The following PAQR5 variants were observed in gnomAD, a reference collection of about 807,000 sequenced individuals.
PAQR5 encodes progestin and adipoQ receptor family member 5, also known as membrane progestin receptor gamma.
PAQR5 carries 20 observed loss-of-function variants against 34.5 expected under a neutral mutation model. The ratio of observed to expected loss-of-function variants is 0.58; its 90% CI spans 0.41 to 0.84. PAQR5 has a LOEUF of 0.84. PAQR5 is among the 40% of genes least tolerant of loss of function. The probability of loss-of-function intolerance (pLI) is 0.00; values close to 1 mark genes in which losing one functional copy is unlikely to be tolerated. For synonymous variants in PAQR5, 131 were observed against 155.6 expected (o/e 0.84, Z 1.18); for missense variants, 378 against 412.7 (o/e 0.92, Z 0.73).
intron 8 of PAQR5, 45 bp downstream of exon 8, chr15:69,400,160 C>G (rs1310381545): frequency 6.4e-7 from 1 of 1,572,726 alleles, no homozygotes; most frequent in Non-Finnish European, 8.7e-7. Flanking sequence ...GCCCTCCTGA[C>G]TGGGGAGGGT....
intron 3 of PAQR5, among the ~76,000 whole-genome samples, chr15:69,362,939 A>G (rs2055279462): frequency 2.0e-5 from 3 of 151,848 alleles, no homozygotes; most frequent in Admixed American, 6.6e-5. Context: ...TGCAACCTTC[A>G]CTTGTCTTGA....
rs140161049 is a variant in PAQR5, at chr15:69,403,727, C to G, written c.898C>G (p.Leu300Val). ...TTTCTCTCAGATAGCTGGAGCCATA[C>G]TTCTGTGCATCATCTTCAGCCTCAG... ...FSFSQIAGAI[L>V]LCIIFSLSNI... The change falls in exon 9 of 9, where the codon CTT becomes GTT. Residue 300 changes from leucine (L) to valine (V), a missense_variant. Physicochemically the swap from Leu to Val is conservative, Grantham distance 32 (BLOSUM62 1). Transcript: ENST00000395407. 3.9e-5 allele frequency: 63 copies of G among 1,614,190 alleles called. 1 individual carries two copies. In the African/African-American group the frequency reaches 6.0e-4, roughly 15 times the overall value.
intron 3 of PAQR5, among the ~76,000 whole-genome samples, chr15:69,365,000 T>C (rs1321537376): frequency 6.6e-6 from 1 of 151,936 alleles, no homozygotes. Context: ...CCTCCCAAAG[T>C]GCTGGGATTA....
At chr15:69,341,724 C>G (rs925206203) in intron 2 of PAQR5, among the ~76,000 whole-genome samples, 1 of 151,986 alleles carries the variant, frequency 6.6e-6, no homozygotes, top group Non-Finnish European at 1.5e-5. Context: ...GTGGGTGGAT[C>G]ACTTGAGCTC....
intron 4 of PAQR5, among the ~76,000 whole-genome samples, chr15:69,382,448 C>A: frequency 6.6e-6 from 1 of 151,784 alleles, no homozygotes; most frequent in East Asian, 1.9e-4. Flanking sequence ...AGATCGAGAC[C>A]ATCCTGGCCA....
intron 1 of PAQR5, among the ~76,000 whole-genome samples, chr15:69,309,499 C>T (rs960079902): frequency 1.3e-5 from 2 of 152,080 alleles, no homozygotes; most frequent in African/African-American, 2.4e-5. Flanking sequence ...TGTCAGTAGA[C>T]GTGAGGAGAG....
At position 69,344,673 on chromosome 15, in the gene PAQR5, A is replaced by T. The variant is rs569063596; in HGVS notation, c.-116+7172A>T. Among the ~76,000 whole-genome samples the T allele has an allele frequency of 1.2e-4, 18 of 152,374 alleles. 1 individual carries two copies. In the South Asian group the frequency reaches 3.5e-3, roughly 30 times the overall value. On this transcript the variant is annotated intron_variant, in intron 2 of 8. Transcript: ENST00000395407. ...AATTAGCATTAAATGCAGCTTTAAA[A>T]AGTATAGATTTCAAACAACTTTGTT...
At chr15:69,394,121 T>G (rs901229831) in intron 6 of PAQR5, among the ~76,000 whole-genome samples, 2 of 150,622 alleles carry the variant, frequency 1.3e-5, no homozygotes, top group African/African-American at 2.4e-5. Flanking sequence ...TGTTTTTTGT[T>G]TTTTTTTTTT....
At chr15:69,390,710 CTAATGGTGACTGGGTG>C (rs1446146090) in intron 6 of PAQR5, among the ~76,000 whole-genome samples, 3 of 152,110 alleles carry the variant, frequency 2.0e-5, no homozygotes, top group Non-Finnish European at 4.4e-5. Flanking sequence ...TGTGTGGTCA[CTAATGGTGACTGGGTG>C]TGTCTGCCTC....
chr15:69,327,108 C>A (rs2054271782), intron 1 of PAQR5, among the ~76,000 whole-genome samples: 1 of 151,984 alleles, frequency 6.6e-6, no homozygotes, highest in African/African-American at 2.4e-5. Flanking sequence ...CCTCAGCCTC[C>A]CTAGTAGCTG....
At chr15:69,322,732 A>G (rs1214433038) in intron 1 of PAQR5, among the ~76,000 whole-genome samples, 3,084 of 26,404 alleles carry the variant, frequency 0.12, 696 homozygotes, top group South Asian at 0.19. Context: ...GAAGAAGAAG[A>G]AGAAGAAGAA....
chr15:69,399,101 A>G (rs2056541914), intron 7 of PAQR5, among the ~76,000 whole-genome samples: 1 of 152,178 alleles, frequency 6.6e-6, no homozygotes, highest in Non-Finnish European at 1.5e-5. Context: ...CAAAAACTAT[A>G]CTTAGCTCTG....
intron 1 of PAQR5, among the ~76,000 whole-genome samples, chr15:69,309,604 C>T (rs1324717182): frequency 6.6e-6 from 1 of 152,166 alleles, no homozygotes. Flanking sequence ...CCTCCCTCCT[C>T]AGAGGCAATG....
intron 6 of PAQR5, among the ~76,000 whole-genome samples, chr15:69,394,692 G>C (rs984827646): frequency 4.6e-5 from 7 of 152,186 alleles, no homozygotes; most frequent in African/African-American, 7.2e-5. Context: ...TCTGGTGCGG[G>C]ACTGCCCTAA....
chr15:69,312,980 A>G (rs999086858), intron 1 of PAQR5, among the ~76,000 whole-genome samples: 2 of 152,062 alleles, frequency 1.3e-5, no homozygotes, highest in Non-Finnish European at 2.9e-5. Flanking sequence ...CTACCTTGGG[A>G]TTTCTCTTGT....
chr15:69,302,657 G>C (rs1174376728), intron 1 of PAQR5, among the ~76,000 whole-genome samples: 1 of 152,166 alleles, frequency 6.6e-6, no homozygotes, highest in Non-Finnish European at 1.5e-5. Context: ...GGACTCCTCA[G>C]CAGACCCAGG....
intron 1 of PAQR5, chr15:69,314,423 T>C (rs1345252599): frequency 6.6e-6 from 1 of 152,194 alleles, no homozygotes; most frequent in Non-Finnish European, 1.5e-5. Flanking sequence ...GACCATGGCC[T>C]CTGGACCCGC....
chr15:69,397,621 T>G (rs980569328), intron 7 of PAQR5, 57 bp downstream of exon 7: 1 of 1,144,706 alleles, frequency 8.7e-7, no homozygotes, highest in Non-Finnish European at 1.3e-6. Flanking sequence ...AGTCAGTTGT[T>G]TTCCTGAGCT....
chr15:69,341,167 C>T (rs1331396878), intron 2 of PAQR5, among the ~76,000 whole-genome samples: 1 of 147,070 alleles, frequency 6.8e-6, no homozygotes, highest in Non-Finnish European at 1.5e-5. Flanking sequence ...ACACTAATTC[C>T]CCATCCCCTC....
Sources: allele counts gnomAD v4.1 joint callset (sites outside exome capture counted in the v4.1 genomes callset), GRCh38; gene constraint gnomAD v4.1.1; transcripts MANE v1.5; gene names NCBI Gene and HGNC (gene_info 2026-07-23, HGNC 2026-07-21).